WFS1: variants seen among roughly 807,000 people sequenced by gnomAD.
WFS1 encodes the protein wolframin ER transmembrane glycoprotein.
Under a neutral mutation model 68.5 loss-of-function variants are expected in WFS1, and 90 were observed. That is an observed-to-expected ratio of 1.31 (90% CI 1.11 to 1.56). WFS1 has a LOEUF of 1.56. Among genes scored for constraint, WFS1 ranks in the 40% most tolerant of loss-of-function variants. The pLI, the probability that WFS1 is intolerant of heterozygous loss-of-function variation, is 0.00. For synonymous variants in WFS1, 860 were observed against 540.7 expected (o/e 1.59, Z -8.19); for missense variants, 1,767 against 1,232.6 (o/e 1.43, Z -6.49).
intron 3 of WFS1, among the ~76,000 whole-genome samples, chr4:6,288,048 C>T (rs539084218): frequency 6.6e-6 from 1 of 152,220 alleles, no homozygotes; most frequent in African/African-American, 2.4e-5. Context: ...GAAACCGTGT[C>T]TCCACTACAA....
rs1205964840 is a variant in WFS1 at position 6,283,732 on chromosome 4, G to T, written c.233-3361G>T. On this transcript the variant is annotated intron_variant, in intron 2 of 7. Transcript: ENST00000226760. The surrounding 1 kb of genome is among the most constrained non-coding windows in gnomAD (Gnocchi z 5.0). Reference sequence around the variant, plus strand: ...CAACTCTGATTGGCCAGGTGGGGGTGCGGGCCTTCTGTGCAGCGCAGGGGA... The same window carrying T: ...CAACTCTGATTGGCCAGGTGGGGGTTCGGGCCTTCTGTGCAGCGCAGGGGA... Among the ~76,000 whole-genome samples, 1 of 152,246 alleles carries T rather than the reference G, an allele frequency of 6.6e-6. No individual in the cohort carries two copies. Among genetic ancestry groups the T allele is most frequent in the East Asian group, 1.9e-4 (1 of 5,198 alleles).
chr4:6,293,085 G>A lies in WFS1; in HGVS notation c.712+1088G>A, dbSNP rs113060762. 3.4e-4 allele frequency among the ~76,000 whole-genome samples: 52 copies of A among 152,320 alleles called. No homozygotes were observed. The South Asian group carries it at 0.011, about 31-fold the overall frequency. On this transcript the variant is annotated intron_variant, in intron 6 of 7. Coordinates refer to ENST00000226760, the MANE Select transcript of WFS1 (RefSeq NM_006005.3). ...CCCGAGGACCAGAGAGGCTGTGACA[G>A]TGTCCTGCCACCGAGGTGGCATGGT...
intron 6 of WFS1, among the ~76,000 whole-genome samples, chr4:6,294,411 G>A (rs776581901): frequency 5.3e-5 from 8 of 152,110 alleles, no homozygotes; most frequent in Admixed American, 4.6e-4. Context: ...ATGGCAGGAC[G>A]CATGTTGAAT....
intron 7 of WFS1, among the ~76,000 whole-genome samples, chr4:6,299,438 G>A (rs78898216): frequency 0.011 from 1,628 of 151,904 alleles, 16 homozygotes; most frequent in South Asian, 0.045. Context: ...AGGTGCACAC[G>A]TGTAGGGGTG....
At chr4:6,298,721 T>C (rs757411227) in intron 7 of WFS1, among the ~76,000 whole-genome samples, 5 of 152,230 alleles carry the variant, frequency 3.3e-5, no homozygotes, top group African/African-American at 1.2e-4. Flanking sequence ...GAAGACTCAG[T>C]CTTCTGGTTG....
rs1801206 is a variant in WFS1 at position 6,300,980 on chromosome 4, C to T, written c.1185C>T (p.Val395=). 972,002 of 1,613,788 alleles carry T rather than the reference C, an allele frequency of 0.6. 297,731 individuals are homozygous for T. Among genetic ancestry groups the T allele is most frequent in the East Asian group, 0.95 (42,814 of 44,832 alleles). The change falls in exon 8 of 8, where the codon GTC becomes GTT. Residue 395 remains valine, a synonymous_variant. Transcript: ENST00000226760. ...ACCTGGATGTGGAGCAGGCCGAGGT[C>T]AACTTCGGCTGGAACCACCTGGAGC... ...EPNLDVEQAE[V]NFGWNHLEPY... is the part of the protein sequence containing the mutation.
intron 7 of WFS1, among the ~76,000 whole-genome samples, chr4:6,299,473 T>C (rs1372876995): frequency 7.3e-6 from 1 of 136,980 alleles, no homozygotes; most frequent in Non-Finnish European, 1.5e-5. Flanking sequence ...AGGGTGCACG[T>C]GTGGGGGTGG....
At chr4:6,293,538 C>A (rs1730529247) in intron 6 of WFS1, among the ~76,000 whole-genome samples, 3 of 151,978 alleles carry the variant, frequency 2.0e-5, no homozygotes, top group African/African-American at 2.4e-5. Context: ...ACCCCCCTTG[C>A]TCAGTCACTT....
At chr4:6,276,951 A>G (rs1445210406) in intron 1 of WFS1, among the ~76,000 whole-genome samples, 1 of 152,208 alleles carries the variant, frequency 6.6e-6, no homozygotes, top group Non-Finnish European at 1.5e-5. Flanking sequence ...CAGCTCTTGG[A>G]GCCAGGGCTT....
intron 2 of WFS1, among the ~76,000 whole-genome samples, chr4:6,280,586 C>T (rs752016032): frequency 5.3e-5 from 8 of 152,162 alleles, no homozygotes; most frequent in African/African-American, 1.4e-4. Flanking sequence ...AGGGCGGGCT[C>T]AGATGCACAG....
In WFS1 at chr4:6,289,036, A is replaced by C; in HGVS notation, c.365A>C (p.Asn122Thr). Reference sequence around the variant, plus strand: ...GCCGGCGACACGGATGAAGAACTCAACAGCTGCACCGCTGTGGACTGGCTG... The same window carrying C: ...GCCGGCGACACGGATGAAGAACTCACCAGCTGCACCGCTGTGGACTGGCTG... ...QLAGDTDEELNSCTAVDWLVL... is the reference protein window; with the variant it reads ...QLAGDTDEELTSCTAVDWLVL... Residue 122 changes from asparagine to threonine, a missense_variant, in exon 4 of 8, where the codon AAC (asparagine) becomes ACC (threonine). Physicochemically the swap from Asn to Thr is moderately conservative, Grantham distance 65 (BLOSUM62 0). Coordinates refer to ENST00000226760, the MANE Select transcript of WFS1 (RefSeq NM_006005.3). 1 of 1,607,042 alleles carries C rather than the reference A, an allele frequency of 6.2e-7. No individual in the cohort carries two copies. Among genetic ancestry groups the C allele is most frequent in the Non-Finnish European group, 8.5e-7 (1 of 1,177,200 alleles).
At position 6,301,627 on chromosome 4, in the gene WFS1, G is replaced by A. The variant is rs734312; in HGVS notation, c.1832G>A (p.Arg611His). The A allele has an allele frequency of 0.53, 860,577 of 1,613,864 alleles. 240,154 individuals carry two copies. Among genetic ancestry groups the A allele is most frequent in the East Asian group, 0.84 (37,793 of 44,838 alleles). ...GTCTGTAGTGTGCCCCTGCTGTTGCGCTGGTGGACCAAGGCCAGCTTCTCT... is the reference window on the plus strand; with the variant it reads ...GTCTGTAGTGTGCCCCTGCTGTTGCACTGGTGGACCAAGGCCAGCTTCTCT... ...VAVCSVPLLL[R>H]WWTKASFSVV... Residue 611 changes from arginine (R) to histidine (H), a missense_variant, in exon 8 of 8, where the codon CGC becomes CAC. Transcript: ENST00000226760.
chr4:6,292,032 T>C, intron 6 of WFS1, 35 bp downstream of exon 6: 1 of 1,569,726 alleles, frequency 6.4e-7, no homozygotes. Flanking sequence ...CACCCATGCC[T>C]CCCAGCCTGC....
chr4:6,300,572 A>C lies in WFS1; in HGVS notation c.862-85A>C, dbSNP rs935101244. 39 of 1,592,396 alleles carry C rather than the reference A, an allele frequency of 2.4e-5. 1 individual carries two copies. In the African/African-American group the frequency reaches 4.7e-4, roughly 19 times the overall value. On this transcript the variant is annotated intron_variant, in intron 7 of 7. Transcript: ENST00000226760. Reference sequence around the variant, plus strand: ...AAGGGTGCGGGTTCCTTTTGCCCAGAGGCAGGGTGGTCAGAGGGAGGCGTG... The same window carrying C: ...AAGGGTGCGGGTTCCTTTTGCCCAGCGGCAGGGTGGTCAGAGGGAGGCGTG...
In WFS1 at chr4:6,289,075, A is replaced by T. The variant is rs1048933160; in HGVS notation, c.404A>T (p.Lys135Met). Residue 135 changes from lysine (K) to methionine (M), a missense_variant, in exon 4 of 8, where the codon AAG becomes ATG. Lys to Met is a moderately conservative substitution (Grantham distance 95). Coordinates refer to ENST00000226760, the MANE Select transcript of WFS1 (RefSeq NM_006005.3). ...TAVDWLVLAA[K>M]QGRREAVKLL... is the part of the protein sequence containing the mutation. ...GTGGACTGGCTGGTCCTCGCCGCGA[A>T]GCAGGGCCGTCGCGAGGCTGTGAAG... The T allele has an allele frequency of 1.3e-6, 2 of 1,590,908 alleles. No homozygotes were observed. The highest frequency in any genetic ancestry group is 1.1e-5 in the South Asian group (1 of 87,280).
At chr4:6,288,636 T>C (rs1222881539) in intron 3 of WFS1, 4 of 377,256 alleles carry the variant, frequency 1.1e-5, no homozygotes, top group African/African-American at 8.3e-5. Context: ...CTGACTGTTT[T>C]GAGAGGTGTA....
chr4:6,296,047 C>T (rs920947465), intron 7 of WFS1, among the ~76,000 whole-genome samples: 3 of 152,220 alleles, frequency 2.0e-5, no homozygotes, highest in Non-Finnish European at 4.4e-5. Flanking sequence ...GGGGTTCTGT[C>T]TTCTGAACTG....
At chr4:6,277,761 C>T (rs1730042769) in intron 2 of WFS1, 74 bp downstream of exon 2, 23 of 1,505,786 alleles carry the variant, frequency 1.5e-5, no homozygotes, top group Non-Finnish European at 2.1e-5. Context: ...TTCAGCCACC[C>T]CTGGAGGGTC....
chr4:6,294,917 C>T, intron 6 of WFS1, 124 bp from the exon 7 acceptor site: 1 of 1,532,184 alleles, frequency 6.5e-7, no homozygotes, highest in Non-Finnish European at 8.9e-7. Flanking sequence ...TTTCCTCCAC[C>T]TGAACCCACT....
Sources: gnomAD v4.1 joint callset for allele counts (sites outside exome capture counted in the v4.1 genomes callset) on GRCh38, gnomAD v4.1.1 for gene constraint, Gnocchi (gnomAD v3.1) non-coding constraint, MANE v1.5 for transcripts, NCBI Gene and HGNC (gene_info 2026-07-23, HGNC 2026-07-21) for gene names.